The following CARD19 variants were observed in gnomAD, a reference collection of about 807,000 sequenced individuals.
CARD19 encodes the protein caspase recruitment domain-containing protein 19.
A neutral mutation model predicts 24.1 loss-of-function variants in CARD19; 25 were observed. That is an observed-to-expected ratio of 1.04 (90% CI 0.76 to 1.45). The LOEUF (loss-of-function observed/expected upper bound fraction) is 1.45. Ranked by LOEUF, CARD19 falls within the 40% of genes most tolerant of loss-of-function variation. The pLI, the probability that CARD19 is intolerant of heterozygous loss-of-function variation, is 0.00. For synonymous variants in CARD19, 103 were observed against 104.9 expected (o/e 0.98, Z 0.11); for missense variants, 241 against 247.4 (o/e 0.97, Z 0.17).
chr9:93,108,398 A>T (rs1189755584), intron 2 of CARD19, among the ~76,000 whole-genome samples: 3 of 152,060 alleles, frequency 2.0e-5, no homozygotes, highest in Non-Finnish European at 2.9e-5. Flanking sequence ...AGGAAGGCAG[A>T]TGCTGACTCA....
intron 1 of CARD19, among the ~76,000 whole-genome samples, chr9:93,102,652 G>GTTT (rs71364357): frequency 1.4e-5 from 2 of 143,302 alleles, no homozygotes; most frequent in South Asian, 2.2e-4. Context: ...CCCTGTTGTT[G>GTTT]TTTTTTTTTT....
chr9:93,109,621 T>C (rs1329543398), intron 2 of CARD19, among the ~76,000 whole-genome samples: 1 of 152,048 alleles, frequency 6.6e-6, no homozygotes, highest in East Asian at 1.9e-4. Flanking sequence ...TGCACCATCA[T>C]GCCCAGTCAA....
intron 1 of CARD19, among the ~76,000 whole-genome samples, chr9:93,104,132 G>A (rs1404965243): frequency 6.6e-6 from 1 of 151,990 alleles, no homozygotes; most frequent in Non-Finnish European, 1.5e-5. Flanking sequence ...TTTTTGATTT[G>A]TACATGTTAA....
At chr9:93,112,375 C>A in intron 5 of CARD19, 86 bp downstream of exon 5, 1 of 1,163,734 alleles carries the variant, frequency 8.6e-7, no homozygotes, top group Non-Finnish European at 1.2e-6. Context: ...AATTTGGGAC[C>A]CCTTGGCCTC....
intron 1 of CARD19, among the ~76,000 whole-genome samples, chr9:93,102,483 C>G (rs548390738): frequency 1.1e-4 from 17 of 152,120 alleles, no homozygotes; most frequent in Admixed American, 2.6e-4. Flanking sequence ...TTTTCACTTT[C>G]TTTTTTTCCA....
intron 3 of CARD19, 55 bp downstream of exon 3, chr9:93,110,776 C>T: frequency 6.4e-7 from 1 of 1,564,754 alleles, no homozygotes; most frequent in Admixed American, 1.9e-5. Context: ...GGAGGGCACC[C>T]CAGCCTGCCG....
chr9:93,104,685 G>C (rs1827192343), intron 1 of CARD19, among the ~76,000 whole-genome samples: 1 of 152,182 alleles, frequency 6.6e-6, no homozygotes, highest in South Asian at 2.1e-4. Context: ...CGTTTTGGTA[G>C]ATTGTGTTTT....
chr9:93,098,363 C>T (rs1391348590), intron 1 of CARD19, among the ~76,000 whole-genome samples: 1 of 152,174 alleles, frequency 6.6e-6, no homozygotes, highest in Admixed American at 6.5e-5. Context: ...GCCTAGAGGG[C>T]CCGGTGAGAG....
chr9:93,111,132 C>T, intron 3 of CARD19: 1 of 1,234,162 alleles, frequency 8.1e-7, no homozygotes, highest in Non-Finnish European at 1.0e-6. Flanking sequence ...TACCCAACCC[C>T]ATGACGGACC....
intron 5 of CARD19, among the ~76,000 whole-genome samples, chr9:93,112,647 G>C (rs1827545543): frequency 6.6e-6 from 1 of 152,172 alleles, no homozygotes; most frequent in African/African-American, 2.4e-5. Flanking sequence ...GCAGCCACAG[G>C]CCTGATGCAC....
chr9:93,111,350 C>T (rs1827476780), intron 3 of CARD19: 3 of 1,118,398 alleles, frequency 2.7e-6, no homozygotes, highest in Non-Finnish European at 3.3e-6. Context: ...AAGATGGCAA[C>T]TCTGATCTGA....
chr9:93,107,933 T>C (rs1827326473), intron 2 of CARD19, 117 bp downstream of exon 2: 9 of 1,343,928 alleles, frequency 6.7e-6, no homozygotes, highest in Non-Finnish European at 9.2e-6. Context: ...ACACTAGGTA[T>C]GTCAGGATTC....
intron 2 of CARD19, 117 bp downstream of exon 2, chr9:93,107,933 T>A: frequency 7.4e-7 from 1 of 1,343,928 alleles, no homozygotes; most frequent in African/African-American, 1.4e-5. Flanking sequence ...ACACTAGGTA[T>A]GTCAGGATTC....
intron 5 of CARD19, 29 bp from the exon 6 acceptor site, chr9:93,112,962 TG>T (rs1216483663): frequency 1.3e-6 from 2 of 1,512,268 alleles, no homozygotes; most frequent in South Asian, 2.3e-5. Flanking sequence ...GACTGGTTCT[TG>T]AGCTTTTGCC....
intron 2 of CARD19, among the ~76,000 whole-genome samples, chr9:93,108,550 G>A (rs150633980): frequency 1.9e-4 from 29 of 152,098 alleles, no homozygotes; most frequent in African/African-American, 6.3e-4. Context: ...GAGCTGAGCC[G>A]GGTAAACGCC....
intron 5 of CARD19, among the ~76,000 whole-genome samples, chr9:93,112,696 G>T (rs1460489906): frequency 6.6e-6 from 1 of 152,186 alleles, no homozygotes. Flanking sequence ...ACCCAGCCTG[G>T]CCTGCCCCGT....
intron 2 of CARD19, 44 bp downstream of exon 2, chr9:93,107,860 C>A: frequency 6.2e-7 from 1 of 1,612,130 alleles, no homozygotes; most frequent in African/African-American, 1.3e-5. Flanking sequence ...TGCTCAGTTT[C>A]CCTTCCTTTC....
At chr9:93,111,712 A>G (rs1282448151) in intron 3 of CARD19, 167 bp from the exon 4 acceptor site, 1 of 1,448,432 alleles carries the variant, frequency 6.9e-7, no homozygotes, top group Non-Finnish European at 9.1e-7. Flanking sequence ...AGAGGAGAAG[A>G]CCCAGACTGT....
chr9:93,111,818 T>G, intron 3 of CARD19, 61 bp from the exon 4 acceptor site: 1 of 1,587,420 alleles, frequency 6.3e-7, no homozygotes, highest in Non-Finnish European at 8.6e-7. Flanking sequence ...TCCTGCGGGG[T>G]GACTACCTTG....
Sources: allele counts gnomAD v4.1 joint callset (sites outside exome capture counted in the v4.1 genomes callset), GRCh38; gene constraint gnomAD v4.1.1; transcripts MANE v1.5; gene names NCBI Gene and HGNC (gene_info 2026-07-23, HGNC 2026-07-21).